RGMA: variants seen among roughly 807,000 people sequenced by gnomAD.
RGMA encodes the protein repulsive guidance molecule A.
RGMA carries 10 observed loss-of-function variants against 23.2 expected under a neutral mutation model. The ratio of observed to expected loss-of-function variants is 0.43; its 90% CI spans 0.27 to 0.73. The LOEUF (loss-of-function observed/expected upper bound fraction) is 0.73. Ranked by LOEUF, RGMA falls within the 30% of genes least tolerant of loss-of-function variation. The pLI, the probability that RGMA is intolerant of heterozygous loss-of-function variation, is 0.20. For missense variants in RGMA, 547 were observed against 630.5 expected (o/e 0.87, Z 1.42); for synonymous variants, 308 against 279.3 (o/e 1.10, Z -1.03).
chr15:93,087,951 T>A (rs1249213665), intron 1 of RGMA, among the ~76,000 whole-genome samples: 1 of 152,082 alleles, frequency 6.6e-6, no homozygotes, highest in Non-Finnish European at 1.5e-5. Flanking sequence ...CTCCACCTTG[T>A]GCGGGAGACT....
chr15:93,045,731 G>A lies in RGMA; in HGVS notation c.646-26C>T, dbSNP rs1482459706. 15 of 1,552,140 alleles carry A rather than the reference G, an allele frequency of 9.7e-6. No individual in the cohort carries two copies. The highest frequency in any genetic ancestry group is 1.2e-5 in the Non-Finnish European group (14 of 1,137,440). On this transcript the variant is annotated intron_variant, in intron 3 of 3. Transcript: ENST00000329082. The surrounding 1 kb of genome is among the most constrained non-coding windows in gnomAD (Gnocchi z 6.9). ...CTGCCGGGGAAAGGGGCAGAGGAGA[G>A]TGGGTGAGGCACAGTGGGAGGAGGC...
intron 2 of RGMA, among the ~76,000 whole-genome samples, chr15:93,071,416 G>C (rs930882998): frequency 6.6e-6 from 1 of 152,198 alleles, no homozygotes; most frequent in African/African-American, 2.4e-5. Context: ...CGGAGGTTTT[G>C]ACATTCCAAG....
At chr15:93,072,334 T>C (rs1334573554) in intron 2 of RGMA, among the ~76,000 whole-genome samples, 1 of 152,048 alleles carries the variant, frequency 6.6e-6, no homozygotes, top group Non-Finnish European at 1.5e-5. Flanking sequence ...TCTGACACAA[T>C]AAAAACAAAC....
chr15:93,061,994 A>G (rs996222938), intron 2 of RGMA, among the ~76,000 whole-genome samples: 10 of 152,138 alleles, frequency 6.6e-5, no homozygotes, highest in Non-Finnish European at 1.0e-4. Flanking sequence ...TTTGCCACCA[A>G]GAAAAGCTCA....
At chr15:93,062,942 C>T (rs1283412665) in intron 2 of RGMA, 1 of 152,334 alleles carries the variant, frequency 6.6e-6, no homozygotes, top group African/African-American at 2.4e-5. Context: ...GCGGAAACAT[C>T]CCGGGTGGGT....
chr15:93,071,539 G>C (rs763988278), intron 2 of RGMA, among the ~76,000 whole-genome samples: 3 of 152,234 alleles, frequency 2.0e-5, no homozygotes, highest in Non-Finnish European at 4.4e-5. Context: ...CGACCCTTCT[G>C]GGGTGCGCAG....
intron 2 of RGMA, among the ~76,000 whole-genome samples, chr15:93,054,363 C>T (rs930487425): frequency 1.3e-5 from 2 of 151,956 alleles, no homozygotes; most frequent in South Asian, 4.1e-4. Flanking sequence ...TGATATGGTT[C>T]GGCTGTGTCC....
At chr15:93,075,506 C>A (rs1201762384) in intron 1 of RGMA, among the ~76,000 whole-genome samples, 1 of 152,148 alleles carries the variant, frequency 6.6e-6, no homozygotes, top group Non-Finnish European at 1.5e-5. Context: ...GAGATAACCC[C>A]CAGAGAATAC....
intron 2 of RGMA, among the ~76,000 whole-genome samples, chr15:93,053,331 A>C (rs981499247): frequency 6.6e-6 from 1 of 152,202 alleles, no homozygotes; most frequent in African/African-American, 2.4e-5. Flanking sequence ...CTTCCTCTGC[A>C]CAGCCCATAG....
At chr15:93,060,177 G>C (rs963101015) in intron 2 of RGMA, among the ~76,000 whole-genome samples, 3 of 152,226 alleles carry the variant, frequency 2.0e-5, no homozygotes, top group Non-Finnish European at 4.4e-5. Context: ...TTCTACTCCA[G>C]CCACTGAGTG....
rs1412174200 is a variant in RGMA at position 93,043,205 on chromosome 15, G to GGC, written c.*1791_*1792dup. 5.1e-5 allele frequency: 7 copies of GGC among 136,954 alleles called. No individual in the cohort carries two copies. The East Asian group carries it at 7.9e-4, about 16-fold the overall frequency. The allele number at this position is 136,954 out of a possible 1,614,324, so 8.5% of individuals were successfully genotyped here. On this transcript the variant is annotated 3_prime_UTR_variant, in exon 4 of 4. Coordinates refer to ENST00000329082, the MANE Select transcript of RGMA (RefSeq NM_020211.3). Reference sequence around the variant, plus strand: ...GCCTACATGCACACACATAGGCATGGGCGCACACACAGGCATGCGCACACA... The same window carrying GGC: ...GCCTACATGCACACACATAGGCATGGGCGCGCACACACAGGCATGCGCACACA...
chr15:93,064,262 G>A (rs1895068532), intron 2 of RGMA, among the ~76,000 whole-genome samples: 1 of 152,244 alleles, frequency 6.6e-6, no homozygotes, highest in Non-Finnish European at 1.5e-5. Flanking sequence ...TCTCAGGGCA[G>A]AGTTAGATAA....
chr15:93,073,570 A>G (rs1024472468), intron 1 of RGMA: 9 of 1,532,064 alleles, frequency 5.9e-6, no homozygotes, highest in African/African-American at 1.4e-5. Flanking sequence ...CTACTTTCCA[A>G]CCAGACTGCC....
intron 2 of RGMA, among the ~76,000 whole-genome samples, chr15:93,072,076 AG>A (rs1250760471): frequency 1.3e-5 from 2 of 152,234 alleles, no homozygotes; most frequent in African/African-American, 4.8e-5. Flanking sequence ...TAAAGAAAAC[AG>A]GCCGGGGATT....
intron 2 of RGMA, among the ~76,000 whole-genome samples, chr15:93,060,068 T>C (rs11074133): frequency 0.54 from 82,370 of 151,470 alleles, 22,757 homozygotes; most frequent in East Asian, 0.82. Context: ...CAGAAAGTTA[T>C]ACCTTCTAGC....
At chr15:93,073,123 G>A (rs530170779) in intron 1 of RGMA, 92 bp from the exon 2 acceptor site, 3 of 1,328,662 alleles carry the variant, frequency 2.3e-6, no homozygotes, top group African/African-American at 1.5e-5. Flanking sequence ...CGAGCCGGGA[G>A]GCTCCGTCCA....
In RGMA at chr15:93,044,406, A is replaced by G. The variant is rs62021478; in HGVS notation, c.*592T>C. ...GCAGGGAGGCCACAGGCCAGAAGGC[A>G]CCAGGCGGGCACGACCTACTGGCCA... On this transcript the variant is annotated 3_prime_UTR_variant, in exon 4 of 4. Coordinates refer to ENST00000329082, the MANE Select transcript of RGMA (RefSeq NM_020211.3). 0.023 allele frequency: 3,475 copies of G among 154,246 alleles called. 80 individuals are homozygous for G. The highest frequency in any genetic ancestry group is 0.031 in the Non-Finnish European group (2,180 of 69,434). 9.6% of individuals were successfully genotyped at this position (154,246 alleles called of 1,614,324 possible). A position where few individuals can be genotyped will look rare whatever the true frequency, so the allele number is the denominator to read the frequency against.
intron 2 of RGMA, chr15:93,066,529 C>T (rs1000637138): frequency 6.2e-6 from 3 of 485,644 alleles, no homozygotes; most frequent in South Asian, 3.4e-5. Context: ...CCCCTGCCAC[C>T]GCCCTCCCCG....
chr15:93,086,453 GAA>G (rs1159876589), intron 1 of RGMA, among the ~76,000 whole-genome samples: 3 of 152,182 alleles, frequency 2.0e-5, no homozygotes, highest in Non-Finnish European at 4.4e-5. Context: ...TTCAAGGCAG[GAA>G]CAAATTTTGC....
Sources: gnomAD v4.1 joint callset for allele counts (sites outside exome capture counted in the v4.1 genomes callset) on GRCh38, gnomAD v4.1.1 for gene constraint, Gnocchi (gnomAD v3.1) non-coding constraint, MANE v1.5 for transcripts, NCBI Gene and HGNC (gene_info 2026-07-23, HGNC 2026-07-21) for gene names.